OLFM1: variants seen among roughly 807,000 people sequenced by gnomAD.
OLFM1 encodes the protein noelin.
Under a neutral mutation model 49.7 loss-of-function variants are expected in OLFM1, and 9 were observed. That is an observed-to-expected ratio of 0.18 (90% CI 0.11 to 0.32). The LOEUF (loss-of-function observed/expected upper bound fraction) is 0.32, where lower values mean the gene tolerates loss of function less well. Among genes scored for constraint, OLFM1 ranks in the 10% least tolerant of loss-of-function variants. The probability of loss-of-function intolerance (pLI) is 1.00; values close to 1 mark genes in which losing one functional copy is unlikely to be tolerated. For missense variants in OLFM1, 369 were observed against 661.8 expected (o/e 0.56, Z 4.85); for synonymous variants, 240 against 271.8 (o/e 0.88, Z 1.15).
chr9:135,090,507 A>T (rs1483111391), intron 2 of OLFM1, among the ~76,000 whole-genome samples, 163 bp downstream of exon 2: 2 of 151,474 alleles, frequency 1.3e-5, no homozygotes, highest in African/African-American at 4.9e-5. Flanking sequence ...TTTGTGAATG[A>T]GTGAAAGGGT....
rs1299135610 is a variant in OLFM1 at position 135,098,655 on chromosome 9, G to C, written c.676+150G>C. On this transcript the variant is annotated intron_variant, in intron 4 of 5. Transcript: ENST00000371793. This position sits in a 1 kb window ranked among gnomAD's most constrained non-coding sequence, Gnocchi z 5.6. ...GCTCCTGGGCAGGTCTACCTTGAGAGACAGCAAAGGAGGAGCGTAGGCCAC... is the reference window on the plus strand; with the variant it reads ...GCTCCTGGGCAGGTCTACCTTGAGACACAGCAAAGGAGGAGCGTAGGCCAC... 7.3e-6 allele frequency: 5 copies of C among 681,470 alleles called. No individual in the cohort carries two copies. Among genetic ancestry groups the C allele is most frequent in the Admixed American group, 5.3e-5 (2 of 38,002 alleles). 42.2% of individuals were successfully genotyped at this position (681,470 alleles called of 1,614,324 possible). A position where few individuals can be genotyped will look rare whatever the true frequency, so the allele number is the denominator to read the frequency against.
chr9:135,084,394 A>G (rs1397662263), upstream of OLFM1, among the ~76,000 whole-genome samples: 1 of 115,646 alleles, frequency 8.6e-6, no homozygotes, highest in East Asian at 2.5e-4. This position sits in a 1 kb window ranked among gnomAD's most constrained non-coding sequence, Gnocchi z 4.6. Context: ...CTCTGTCTCT[A>G]TTATCTCTCC....
intron 1 of OLFM1, among the ~76,000 whole-genome samples, chr9:135,078,438 CG>C (rs926521411): frequency 2.3e-4 from 35 of 152,352 alleles, no homozygotes; most frequent in African/African-American, 8.2e-4. Context: ...GAGCACATGG[CG>C]GGGCCATCTG....
intron 5 of OLFM1, among the ~76,000 whole-genome samples, chr9:135,107,629 G>C (rs932341234): frequency 2.0e-5 from 3 of 152,238 alleles, no homozygotes; most frequent in African/African-American, 7.2e-5. Context: ...GAAGCTGTCA[G>C]GGCTTCGCTG....
intron 1 of OLFM1, chr9:135,076,767 G>T: frequency 6.7e-7 from 1 of 1,492,616 alleles, no homozygotes; most frequent in South Asian, 1.3e-5. Flanking sequence ...AGCCCCAGCT[G>T]CCCCTGACCC....
At position 135,080,356 on chromosome 9, in the gene OLFM1, A is replaced by C. The variant is rs1166116388; in HGVS notation, c.96+4554A>C. Among the ~76,000 whole-genome samples the C allele has an allele frequency of 2.0e-5, 3 of 152,084 alleles. No homozygotes were observed. The highest frequency in any genetic ancestry group is 6.5e-5 in the Admixed American group (1 of 15,270). ...AGTGCACGGGTAGGGGGAAGAGTTC[A>C]GGTGAAATTGGGGTCTTTTCCTAAA... On this transcript the variant is annotated intron_variant, in intron 1 of 5. Transcript: ENST00000252854. This position sits in a 1 kb window ranked among gnomAD's most constrained non-coding sequence, Gnocchi z 4.5.
At chr9:135,106,897 G>C in intron 5 of OLFM1, 42 bp downstream of exon 5, 1 of 1,492,544 alleles carries the variant, frequency 6.7e-7, no homozygotes, top group Non-Finnish European at 9.1e-7. Flanking sequence ...TTGGGCAAGG[G>C]CGCTCTCGGA....
At chr9:135,091,869 A>T (rs199877234) in intron 2 of OLFM1, among the ~76,000 whole-genome samples, 27,115 of 140,674 alleles carry the variant, frequency 0.19, 2,758 homozygotes, top group East Asian at 0.44. Context: ...ACACACTCAC[A>T]CACAGTCACA....
At chr9:135,086,525 G>C, upstream of OLFM1, 2 of 426,054 alleles carry the variant, frequency 4.7e-6, no homozygotes, top group Admixed American at 2.5e-5. Flanking sequence ...CAGGAAGGGA[G>C]ATTAATTTTC....
chr9:135,098,573 A>T lies in OLFM1; in HGVS notation c.676+68A>T, dbSNP rs948476528. The T allele has an allele frequency of 2.1e-5, 31 of 1,444,490 alleles. No homozygotes were observed. The African/African-American group carries it at 3.5e-4, about 16-fold the overall frequency. 89.5% of individuals were successfully genotyped at this position (1,444,490 alleles called of 1,614,324 possible). A position where few individuals can be genotyped will look rare whatever the true frequency, so the allele number is the denominator to read the frequency against. ...CTCCGGCACACGCACAGGCTTAGGG[A>T]GTGGTGCTGAAGTGGACAGCGCCCG... On this transcript the variant is annotated intron_variant, in intron 4 of 5. Transcript: ENST00000371793. The surrounding 1 kb of genome is among the most constrained non-coding windows in gnomAD (Gnocchi z 5.6).
At chr9:135,091,627 T>TTCA (rs1830695686) in intron 2 of OLFM1, among the ~76,000 whole-genome samples, 2 of 17,042 alleles carry the variant, frequency 1.2e-4, no homozygotes, top group Non-Finnish European at 2.4e-4. Flanking sequence ...TCACACACAC[T>TTCA]CACATAGTCA....
At chr9:135,092,441 C>T (rs1830729166) in intron 2 of OLFM1, among the ~76,000 whole-genome samples, 1 of 152,218 alleles carries the variant, frequency 6.6e-6, no homozygotes, top group Non-Finnish European at 1.5e-5. Context: ...CTTTAGCCAC[C>T]TGAGTAAATC....
rs757534525 is a variant in OLFM1 at position 135,119,779 on chromosome 9, G to A, written c.1059G>A (p.Ser353=). 4.6e-5 allele frequency: 75 copies of A among 1,613,838 alleles called. No individual in the cohort carries two copies. Among genetic ancestry groups the A allele is most frequent in the Non-Finnish European group, 5.6e-5 (66 of 1,180,016 alleles). The part of the protein sequence containing the change: ...NMYHYAWGGH[S]DIDLMVDESG... ...ACCACTACGCCTGGGGTGGCCACTC[G>A]GACATCGACCTCATGGTGGACGAGA... is the stretch of plus-strand genomic sequence containing the variant. The change falls in exon 6 of 6, where the codon TCG becomes TCA. Residue 353 remains serine, a synonymous_variant. Transcript: ENST00000371793.
At chr9:135,091,298 G>A (rs761862636) in intron 2 of OLFM1, among the ~76,000 whole-genome samples, 3 of 152,244 alleles carry the variant, frequency 2.0e-5, no homozygotes, top group Non-Finnish European at 4.4e-5. Context: ...AGGGAACAAG[G>A]AGGAATGGTG....
intron 4 of OLFM1, among the ~76,000 whole-genome samples, chr9:135,105,245 C>T (rs947241833): frequency 6.6e-6 from 1 of 152,252 alleles, no homozygotes; most frequent in Non-Finnish European, 1.5e-5. Context: ...TTCTTCCAAT[C>T]GGGGCAGAGG....
intron 4 of OLFM1, among the ~76,000 whole-genome samples, chr9:135,099,880 G>A (rs750191798): frequency 6.6e-6 from 1 of 152,030 alleles, no homozygotes; most frequent in African/African-American, 2.4e-5. Context: ...TGGTGTGAGT[G>A]TTTGACTTTC....
At position 135,102,192 on chromosome 9, in the gene OLFM1, G is replaced by A. The variant is rs374344236; in HGVS notation, c.676+3687G>A. ...TGGCAGGGCATAGTGCTTGGCTCTG[G>A]CACCATGCCCTACACTCTGTCCTGG... is the stretch of plus-strand genomic sequence containing the variant. On this transcript the variant is annotated intron_variant, in intron 4 of 5. Transcript: ENST00000371793. Among the ~76,000 whole-genome samples, 13 of 152,160 alleles carry A rather than the reference G, an allele frequency of 8.5e-5. No homozygotes were observed. In the East Asian group the frequency reaches 2.5e-3, roughly 29 times the overall value.
chr9:135,091,328 T>C (rs548696107), intron 2 of OLFM1, among the ~76,000 whole-genome samples: 61 of 152,322 alleles, frequency 4.0e-4, no homozygotes, highest in African/African-American at 1.4e-3. Flanking sequence ...GTTCCACCCA[T>C]TGATTCCCCA....
In OLFM1 at chr9:135,076,760, C is replaced by T. The variant is rs973582285; in HGVS notation, c.96+958C>T. The T allele has an allele frequency of 5.4e-6, 8 of 1,481,076 alleles. No individual in the cohort carries two copies. In the African/African-American group the frequency reaches 1.1e-4, roughly 21 times the overall value. 91.7% of individuals were successfully genotyped at this position (1,481,076 alleles called of 1,614,324 possible). ...GGCAGCCAGTACCTTGGCCCCAAGCCCCAGCTGCCCCTGACCCTTCTTTCC... is the reference window on the plus strand; with the variant it reads ...GGCAGCCAGTACCTTGGCCCCAAGCTCCAGCTGCCCCTGACCCTTCTTTCC... On this transcript the variant is annotated intron_variant, in intron 1 of 5. Transcript: ENST00000252854.
Sources: gnomAD v4.1 joint callset for allele counts (sites outside exome capture counted in the v4.1 genomes callset) on GRCh38, gnomAD v4.1.1 for gene constraint, Gnocchi (gnomAD v3.1) non-coding constraint, MANE v1.5 for transcripts, NCBI Gene and HGNC (gene_info 2026-07-23, HGNC 2026-07-21) for gene names.